The following TIE1 variants were observed in gnomAD, a reference collection of about 807,000 sequenced individuals.
The protein encoded by TIE1 is tyrosine kinase with immunoglobulin like and EGF like domains 1.
A neutral mutation model predicts 130.5 loss-of-function variants in TIE1; 89 were observed. That is an observed-to-expected ratio of 0.68 (90% CI 0.57 to 0.81). The LOEUF (loss-of-function observed/expected upper bound fraction) is 0.81. TIE1 is among the 40% of genes least tolerant of loss of function. The pLI is 0.00. For synonymous variants in TIE1, 568 were observed against 629.4 expected (o/e 0.90, Z 1.46); for missense variants, 1,392 against 1,559.8 (o/e 0.89, Z 1.81).
In TIE1 at chr1:43,305,301, G is replaced by T; in HGVS notation, c.442G>T (p.Val148Leu). ...TGACACCGCTGTACTTTCTGCACGTGTGCACAAGGAGAAGCAGACAGACGT... is the reference window on the plus strand; with the variant it reads ...TGACACCGCTGTACTTTCTGCACGTTTGCACAAGGAGAAGCAGACAGACGT... ...KGDTAVLSARVHKEKQTDVIW... is the reference protein window; with the variant it reads ...KGDTAVLSARLHKEKQTDVIW... The change falls in exon 3 of 23, where the codon GTG (valine) becomes TTG (leucine). Residue 148 changes from valine to leucine, a missense_variant. Transcript: ENST00000372476. 6 of 1,601,452 alleles carry T rather than the reference G, an allele frequency of 3.7e-6. No homozygotes were observed. Among genetic ancestry groups the T allele is most frequent in the Non-Finnish European group, 5.1e-6 (6 of 1,170,786 alleles).
In TIE1 at chr1:43,321,459, G is replaced by A. The variant is rs753768469; in HGVS notation, c.3212G>A (p.Arg1071His). The change falls in exon 21 of 23, where the codon CGC (arginine) becomes CAC (histidine). Residue 1071 changes from arginine to histidine, a missense_variant. By Grantham distance (29) the Arg-to-His change is conservative. Around this residue, in one of 6 missense-constraint regions of TIE1, gnomAD observed 104 missense variants for 129.3 expected, o/e 0.80. Coordinates refer to ENST00000372476, the MANE Select transcript of TIE1 (RefSeq NM_005424.5). Reference protein sequence around the residue: ...ELYEKLPQGYRMEQPRNCDDE... With the variant: ...ELYEKLPQGYHMEQPRNCDDE... ...TATGAAAAGCTGCCCCAGGGCTACC[G>A]CATGGAGCAGCCTCGAAACTGTGAC... 7.4e-6 allele frequency: 12 copies of A among 1,613,756 alleles called. No homozygotes were observed. Among genetic ancestry groups the A allele is most frequent in the African/African-American group, 1.3e-5 (1 of 74,884 alleles).
At chr1:43,311,641 G>A (rs751644912) in intron 9 of TIE1, 30 bp from the exon 10 acceptor site, 2 of 1,601,392 alleles carry the variant, frequency 1.2e-6, no homozygotes, top group South Asian at 1.1e-5. Flanking sequence ...TAGGCTGTGT[G>A]CCCATGCCTT....
rs1646728636 is a variant in TIE1 at position 43,306,377 on chromosome 1, G to A, written c.485-463G>A. Among the ~76,000 whole-genome samples the A allele has an allele frequency of 6.6e-6, 1 of 152,202 alleles. No homozygotes were observed. Among genetic ancestry groups the A allele is most frequent in the Non-Finnish European group, 1.5e-5 (1 of 68,026 alleles). On this transcript the variant is annotated intron_variant, in intron 3 of 22. Transcript: ENST00000372476. The surrounding 1 kb of genome is among the most constrained non-coding windows in gnomAD (Gnocchi z 4.9). Reference sequence around the variant, plus strand: ...TGGATGGCTTGGCCACGGCCAAGTTGGTGAAAATGATGTCTAAGGAGCTGG... The same window carrying A: ...TGGATGGCTTGGCCACGGCCAAGTTAGTGAAAATGATGTCTAAGGAGCTGG...
At position 43,306,844 on chromosome 1, in the gene TIE1, C is replaced by T. The variant is rs1646732875; in HGVS notation, c.489C>T (p.Ser163=). The T allele has an allele frequency of 6.2e-7, 1 of 1,610,068 alleles. No homozygotes were observed. The highest frequency in any genetic ancestry group is 1.3e-5 in the African/African-American group (1 of 74,814). The change falls in exon 4 of 23, where the codon TCC becomes TCT. Residue 163 remains serine, a synonymous_variant. Coordinates refer to ENST00000372476, the MANE Select transcript of TIE1 (RefSeq NM_005424.5). The surrounding 1 kb of genome is among the most constrained non-coding windows in gnomAD (Gnocchi z 4.9). ...TGACACATTCATGTCCCCCAGGATC[C>T]TACTTCTACACCCTGGACTGGCATG... ...QTDVIWKSNG[S]YFYTLDWHEA...
At position 43,307,095 on chromosome 1, in the gene TIE1, A is replaced by G; in HGVS notation, c.641-47A>G. ...TGGAGCCCCTGGATCTCCAGTCCTCAGTGGTCAGGTGGGTGAGGGTCAGCT... is the reference window on the plus strand; with the variant it reads ...TGGAGCCCCTGGATCTCCAGTCCTCGGTGGTCAGGTGGGTGAGGGTCAGCT... On this transcript the variant is annotated intron_variant, in intron 4 of 22. Transcript: ENST00000372476. The surrounding 1 kb of genome is among the most constrained non-coding windows in gnomAD (Gnocchi z 5.4). The G allele has an allele frequency of 6.2e-7, 1 of 1,613,500 alleles. No individual in the cohort carries two copies. The highest frequency in any genetic ancestry group is 8.5e-7 in the Non-Finnish European group (1 of 1,179,852).
Position 43,321,396 on chromosome 1 carries a change from GA to G in TIE1, c.3150del (p.Gly1051ValfsTer7). On this transcript the variant is annotated frameshift_variant and splice_region_variant, in exon 21 of 23. Transcript: ENST00000372476. LOFTEE classifies it high-confidence loss of function. ...GVLLWEIVSL[G>X]GTPYCGMTCA... ...GAGAGCACTTTGTCCCCTCCTGCAG[GA>G]GGTACACCCTACTGTGGCATGACCT... 1 of 1,613,928 alleles carries G rather than the reference GA, an allele frequency of 6.2e-7. No homozygotes were observed. Among genetic ancestry groups the G allele is most frequent in the Non-Finnish European group, 8.5e-7 (1 of 1,179,932 alleles).
chr1:43,311,899 A>T, intron 10 of TIE1, 70 bp downstream of exon 10: 1 of 1,576,776 alleles, frequency 6.3e-7, no homozygotes, highest in Non-Finnish European at 8.6e-7. Context: ...TGAGCAGGAG[A>T]GGGAGGGCAA....
In TIE1 at chr1:43,309,732, GGAAAGGACATCCC is replaced by G. The variant is rs1441457307; in HGVS notation, c.1333+202_1333+214del. Among the ~76,000 whole-genome samples the G allele has an allele frequency of 3.9e-5, 6 of 152,158 alleles. No individual in the cohort carries two copies. Among genetic ancestry groups the G allele is most frequent in the Non-Finnish European group, 8.8e-5 (6 of 68,030 alleles). On this transcript the variant is annotated intron_variant, in intron 9 of 22. Transcript: ENST00000372476. This position sits in a 1 kb window ranked among gnomAD's most constrained non-coding sequence, Gnocchi z 6.3. ...GCTGGAGTACAGCTTAGACCCATCT[GGAAAGGACATCCC>G]GTGCCCCAGAAACTGGGGACACTCT... is the stretch of plus-strand genomic sequence containing the variant.
chr1:43,321,000 T>G (rs1646911360), intron 19 of TIE1: 1 of 507,078 alleles, frequency 2.0e-6, no homozygotes, highest in African/African-American at 2.2e-5. Context: ...GCCACTGCAC[T>G]CCAGCCTGGG....
rs1029515532 is a variant in TIE1, at chr1:43,312,790, G to T, written c.1927+189G>T. ...GACTTGGGGAAGATCCAGGGTACCA[G>T]GAGGACACAGATCACCAGGAGCATG... On this transcript the variant is annotated intron_variant, in intron 12 of 22. Transcript: ENST00000372476. The surrounding 1 kb of genome is among the most constrained non-coding windows in gnomAD (Gnocchi z 5.6). Among the ~76,000 whole-genome samples the T allele has an allele frequency of 5.6e-4, 85 of 152,008 alleles. No homozygotes were observed. Among genetic ancestry groups the T allele is most frequent in the African/African-American group, 1.8e-3 (76 of 41,312 alleles).
In TIE1 at chr1:43,307,362, A is replaced by G. The variant is rs2275180; in HGVS notation, c.773-70A>G. ...ACCATGTGGGTGGAGCTTGGAGGGT[A>G]AGGGCGACAGGCAGGTCCTGGGCCC... On this transcript the variant is annotated intron_variant, in intron 5 of 22. Coordinates refer to ENST00000372476, the MANE Select transcript of TIE1 (RefSeq NM_005424.5). This position sits in a 1 kb window ranked among gnomAD's most constrained non-coding sequence, Gnocchi z 5.4. 1,058,379 of 1,610,700 alleles carry G rather than the reference A, an allele frequency of 0.66. 353,037 individuals are homozygous for G. Among genetic ancestry groups the G allele is most frequent in the African/African-American group, 0.87 (65,020 of 74,932 alleles).
rs781657148 is a variant in TIE1, at chr1:43,309,084, G to A, written c.1141G>A (p.Val381Met). ...NCAAAGNPFP[V>M]RGSIELRKPD... ...TGCAGCTGCAGGGAACCCCTTCCCC[G>A]TGCGGGGCAGCATAGAGCTACGCAA... The change falls in exon 8 of 23, where the codon GTG (valine) becomes ATG (methionine). Residue 381 changes from valine to methionine, a missense_variant. This residue lies in a region of TIE1 where 551 missense variants were observed against 565.5 expected (regional missense o/e 0.97). Coordinates refer to ENST00000372476, the MANE Select transcript of TIE1 (RefSeq NM_005424.5). This position sits in a 1 kb window ranked among gnomAD's most constrained non-coding sequence, Gnocchi z 6.3. 27 of 1,613,588 alleles carry A rather than the reference G, an allele frequency of 1.7e-5. No individual in the cohort carries two copies. Among genetic ancestry groups the A allele is most frequent in the African/African-American group, 1.1e-4 (8 of 74,984 alleles).
intron 14 of TIE1, chr1:43,314,430 T>C (rs1646839458): frequency 9.2e-7 from 1 of 1,085,904 alleles, no homozygotes; most frequent in Non-Finnish European, 1.1e-6. Flanking sequence ...CATCTTTGGC[T>C]GATGTTCTTA....
rs367570968 is a variant in TIE1 at position 43,313,972 on chromosome 1, A to G, written c.2409+4A>G. The G allele has an allele frequency of 3.1e-6, 5 of 1,613,668 alleles. No individual in the cohort carries two copies. Among genetic ancestry groups the G allele is most frequent in the Non-Finnish European group, 4.2e-6 (5 of 1,179,842 alleles). ...CTTCACCTACCAGTCAGGCTCGGTC[A>G]GTGACCCGCCCCGCCCCTGGGTGCA... On this transcript the variant is annotated splice_donor_region_variant and intron_variant, in intron 14 of 22. Coordinates refer to ENST00000372476, the MANE Select transcript of TIE1 (RefSeq NM_005424.5). This position sits in a 1 kb window ranked among gnomAD's most constrained non-coding sequence, Gnocchi z 6.2.
At chr1:43,314,086 A>C (rs780432506) in intron 14 of TIE1, 118 bp downstream of exon 14, 10 of 1,124,112 alleles carry the variant, frequency 8.9e-6, no homozygotes, top group Non-Finnish European at 1.2e-5. Flanking sequence ...TTTATGTTGC[A>C]GGTATAAGAT....
rs769889504 is a variant in TIE1, at chr1:43,312,166, C to G, written c.1630+35C>G. Reference sequence around the variant, plus strand: ...CAAGAGTCATCCCTTCCTGTCCCCCCAAGGGTTACTTTCCCGTCGACCCCA... The same window carrying G: ...CAAGAGTCATCCCTTCCTGTCCCCCGAAGGGTTACTTTCCCGTCGACCCCA... On this transcript the variant is annotated intron_variant, in intron 11 of 22. Coordinates refer to ENST00000372476, the MANE Select transcript of TIE1 (RefSeq NM_005424.5). This position sits in a 1 kb window ranked among gnomAD's most constrained non-coding sequence, Gnocchi z 5.6. The G allele has an allele frequency of 1.3e-6, 2 of 1,516,520 alleles. No individual in the cohort carries two copies. The highest frequency in any genetic ancestry group is 2.2e-5 in the Admixed American group (1 of 45,032). 93.9% of individuals were successfully genotyped at this position (1,516,520 alleles called of 1,614,324 possible).
chr1:43,317,515 C>G lies in TIE1; in HGVS notation c.2621-49C>G. Reference sequence around the variant, plus strand: ...CAATTGACCCCAGCCCTTGCCAGCCCTTTCTCCAGAGTTATTTCTGGCAAA... The same window carrying G: ...CAATTGACCCCAGCCCTTGCCAGCCGTTTCTCCAGAGTTATTTCTGGCAAA... On this transcript the variant is annotated intron_variant, in intron 15 of 22. Coordinates refer to ENST00000372476, the MANE Select transcript of TIE1 (RefSeq NM_005424.5). The surrounding 1 kb of genome is among the most constrained non-coding windows in gnomAD (Gnocchi z 5.1). The G allele has an allele frequency of 6.2e-7, 1 of 1,609,382 alleles. No individual in the cohort carries two copies. The highest frequency in any genetic ancestry group is 8.5e-7 in the Non-Finnish European group (1 of 1,175,840).
At position 43,316,394 on chromosome 1, in the gene TIE1, G is replaced by C. The variant is rs1328517783; in HGVS notation, c.2410-805G>C. Among the ~76,000 whole-genome samples, 1 of 152,202 alleles carries C rather than the reference G, an allele frequency of 6.6e-6. No homozygotes were observed. The highest frequency in any genetic ancestry group is 1.5e-5 in the Non-Finnish European group (1 of 68,036). ...ATCAAGCTGGACTTCAGTGCACTTA[G>C]GAAGCCCCACCAGAAGGTCTGTCTT... On this transcript the variant is annotated intron_variant, in intron 14 of 22. Transcript: ENST00000372476. The surrounding 1 kb of genome is among the most constrained non-coding windows in gnomAD (Gnocchi z 4.4).
chr1:43,302,950 C>A (rs767192951), intron 1 of TIE1, among the ~76,000 whole-genome samples: 1 of 152,102 alleles, frequency 6.6e-6, no homozygotes, highest in Non-Finnish European at 1.5e-5. Context: ...GAGATGTGGA[C>A]TTTAGAATCA....
Sources: gnomAD v4.1 joint callset for allele counts (sites outside exome capture counted in the v4.1 genomes callset) on GRCh38, gnomAD v4.1.1 for gene constraint, gnomAD v4.1.1 regional missense constraint, Gnocchi (gnomAD v3.1) non-coding constraint, MANE v1.5 for transcripts, NCBI Gene and HGNC (gene_info 2026-07-23, HGNC 2026-07-21) for gene names.